RBFOX1: variants seen among roughly 807,000 people sequenced by gnomAD.
RBFOX1 encodes RNA binding fox-1 homolog 1, also known as RNA binding protein fox-1 homolog 1.
Under a neutral mutation model 57.7 loss-of-function variants are expected in RBFOX1, and 8 were observed. The ratio of observed to expected loss-of-function variants is 0.14; its 90% CI spans 0.08 to 0.25. The LOEUF is 0.25. RBFOX1 is among the 10% of genes least tolerant of loss of function. RBFOX1 has a pLI of 1.00. For synonymous variants in RBFOX1, 326 were observed against 222.4 expected, an observed-to-expected ratio of 1.47 and a Z score of -4.15; for missense variants, 611 against 548.5, an observed-to-expected ratio of 1.11 and a Z score of -1.14.
In RBFOX1 at chr16:7,518,196, C is replaced by T; in HGVS notation, c.77C>T (p.Ala26Val). ...CCTGACACAATGGCTCAGCCTTACG[C>T]TTCGGCCCAGTTTGCTCCCCCGCAG... Reference protein sequence around the residue: ...AAPDTMAQPYASAQFAPPQNG... With the variant: ...AAPDTMAQPYVSAQFAPPQNG... The change falls in exon 5 of 16, where the codon GCT (alanine) becomes GTT (valine). Residue 26 changes from alanine to valine, a missense_variant. Physicochemically the swap from Ala to Val is moderately conservative, Grantham distance 64. This residue lies in a region of RBFOX1 where 245 missense variants were observed against 159.1 expected (regional missense o/e 1.54). Coordinates refer to ENST00000550418, the MANE Select transcript of RBFOX1 (RefSeq NM_018723.4). The T allele has an allele frequency of 6.2e-7, 1 of 1,614,110 alleles. No homozygotes were observed. The highest frequency in any genetic ancestry group is 8.5e-7 in the Non-Finnish European group (1 of 1,179,988).
intron 3 of RBFOX1, among the ~76,000 whole-genome samples, chr16:5,749,286 C>G (rs932054814): frequency 4.6e-5 from 7 of 152,154 alleles, no homozygotes; most frequent in Admixed American, 4.6e-4. Context: ...TTCTCTCTGG[C>G]TGCCCTTAAC....
intron 4 of RBFOX1, among the ~76,000 whole-genome samples, chr16:7,503,954 G>A (rs1409351291): frequency 6.6e-6 from 1 of 152,150 alleles, no homozygotes; most frequent in East Asian, 1.9e-4. Flanking sequence ...TCTTGACTGT[G>A]TATTATAGTT....
At chr16:6,629,316 G>A (rs2098353431) in intron 2 of RBFOX1, among the ~76,000 whole-genome samples, 1 of 152,184 alleles carries the variant, frequency 6.6e-6, no homozygotes, top group African/African-American at 2.4e-5. Flanking sequence ...CTACACTGAT[G>A]TAACGTCCAA....
chr16:5,834,248 T>C (rs1462023353), intron 3 of RBFOX1, among the ~76,000 whole-genome samples: 2 of 152,192 alleles, frequency 1.3e-5, no homozygotes, highest in African/African-American at 2.4e-5. Flanking sequence ...ACCCAGTAGG[T>C]AGTTTTTCAT....
At chr16:6,487,428 A>G (rs1243365137) in intron 2 of RBFOX1, among the ~76,000 whole-genome samples, 1 of 151,830 alleles carries the variant, frequency 6.6e-6, no homozygotes, top group Non-Finnish European at 1.5e-5. Flanking sequence ...GAATACTTTG[A>G]TGTAGCAAAT....
intron 1 of RBFOX1, among the ~76,000 whole-genome samples, chr16:6,249,080 C>T (rs2097586130): frequency 6.6e-6 from 1 of 152,120 alleles, no homozygotes; most frequent in Non-Finnish European, 1.5e-5. Flanking sequence ...GAAGGGCCCT[C>T]AGTTGGGATT....
intron 1 of RBFOX1, among the ~76,000 whole-genome samples, chr16:5,250,077 C>T (rs1184169510): frequency 6.6e-6 from 1 of 150,546 alleles, no homozygotes; most frequent in African/African-American, 2.4e-5. Flanking sequence ...TGCAGTGAGC[C>T]GAGATTGTGT....
chr16:5,537,458 T>G (rs962220036), intron 2 of RBFOX1, among the ~76,000 whole-genome samples: 1 of 152,244 alleles, frequency 6.6e-6, no homozygotes, highest in African/African-American at 2.4e-5. Context: ...ACATCTGGCA[T>G]GGGTCTTACT....
intron 4 of RBFOX1, among the ~76,000 whole-genome samples, chr16:7,264,889 AC>A (rs1603459523): frequency 6.6e-6 from 1 of 152,176 alleles, no homozygotes; most frequent in Non-Finnish European, 1.5e-5. Context: ...TGAGACATTT[AC>A]CCCCAGTCCA....
intron 3 of RBFOX1, among the ~76,000 whole-genome samples, chr16:6,985,420 G>A (rs1274382287): frequency 6.6e-6 from 1 of 152,156 alleles, no homozygotes; most frequent in Non-Finnish European, 1.5e-5. Context: ...GCTTAGGCAG[G>A]AAGATCACTT....
At chr16:5,423,342 G>C (rs1467493929) in intron 1 of RBFOX1, among the ~76,000 whole-genome samples, 2 of 152,106 alleles carry the variant, frequency 1.3e-5, no homozygotes, top group Non-Finnish European at 2.9e-5. Flanking sequence ...ACATATTTGT[G>C]TGTGTGGTTC....
In RBFOX1 at chr16:5,681,666, T is replaced by C. The variant is rs146934605; in HGVS notation, c.318+82705T>C. Among the ~76,000 whole-genome samples the C allele has an allele frequency of 2.5e-4, 38 of 152,232 alleles. No individual in the cohort carries two copies. In the East Asian group the frequency reaches 6.6e-3, roughly 26 times the overall value. On this transcript the variant is annotated intron_variant, in intron 3 of 19. Transcript: ENST00000641259. ...CCTCAGCCTCCCAAGGTGCTGGGAT[T>C]ACAAGCTTGAGCCACTGTGCCCGGC...
chr16:6,768,294 T>A (rs1735031550), intron 3 of RBFOX1, among the ~76,000 whole-genome samples: 1 of 152,110 alleles, frequency 6.6e-6, no homozygotes, highest in Admixed American at 6.5e-5. Flanking sequence ...ACAATAAATG[T>A]TTGTAATTTA....
chr16:5,380,129 G>A (rs117206439), intron 1 of RBFOX1, among the ~76,000 whole-genome samples: 2,232 of 152,234 alleles, frequency 0.015, 27 homozygotes, highest in Non-Finnish European at 0.024. Context: ...CCAGATTGTC[G>A]TCATCCTTCC....
chr16:6,619,078 A>G (rs2098186333), intron 2 of RBFOX1, among the ~76,000 whole-genome samples: 1 of 152,152 alleles, frequency 6.6e-6, no homozygotes, highest in Admixed American at 6.5e-5. Flanking sequence ...GCAGAGGGTC[A>G]AGGTTGCATA....
At chr16:5,539,396 C>T (rs1383294585) in intron 2 of RBFOX1, among the ~76,000 whole-genome samples, 3 of 151,666 alleles carry the variant, frequency 2.0e-5, no homozygotes, top group South Asian at 2.1e-4. Flanking sequence ...AATTGGAGAC[C>T]AGCCTGGCCA....
In RBFOX1 at chr16:5,455,041, C is replaced by G. The variant is rs571323014; in HGVS notation, c.220-12175C>G. On this transcript the variant is annotated intron_variant, in intron 1 of 2. Transcript: ENST00000585867. ...TTTCTTTCTCTCTCTCTGTCTGTCT[C>G]TCTTTCTTTCTTTCTCTGTCTCTTT... 2.6e-3 allele frequency among the ~76,000 whole-genome samples: 345 copies of G among 131,524 alleles called. 6 individuals are homozygous for G. Among genetic ancestry groups the G allele is most frequent in the African/African-American group, 9.3e-3 (321 of 34,568 alleles). The allele number at this position is 131,524 out of a possible 152,430, so 86.3% of individuals were successfully genotyped here. A position where few individuals can be genotyped will look rare whatever the true frequency, so the allele number is the denominator to read the frequency against.
At chr16:5,277,736 T>C (rs1435634674) in intron 1 of RBFOX1, among the ~76,000 whole-genome samples, 4 of 152,186 alleles carry the variant, frequency 2.6e-5, no homozygotes, top group African/African-American at 4.8e-5. Flanking sequence ...CTCATATAAG[T>C]GAGAACATGC....
chr16:5,706,772 T>C (rs545548892), intron 3 of RBFOX1, among the ~76,000 whole-genome samples: 3 of 152,240 alleles, frequency 2.0e-5, no homozygotes, highest in Non-Finnish European at 2.9e-5. Context: ...GGCACCCCTA[T>C]GAATTTGCAG....
Sources: allele counts gnomAD v4.1 joint callset (sites outside exome capture counted in the v4.1 genomes callset), GRCh38; gene constraint gnomAD v4.1.1; regional missense constraint gnomAD v4.1.1; transcripts MANE v1.5; gene names NCBI Gene and HGNC (gene_info 2026-07-23, HGNC 2026-07-21).